Variants in MLLT1 observed in about 807,000 individuals in gnomAD.
MLLT1 encodes MLLT1 super elongation complex subunit.
Under a neutral mutation model 55.1 loss-of-function variants are expected in MLLT1, and 11 were observed. The ratio of observed to expected loss-of-function variants is 0.20; its 90% CI spans 0.13 to 0.33. The LOEUF (loss-of-function observed/expected upper bound fraction) is 0.33, where lower values mean the gene tolerates loss of function less well. MLLT1 is among the 10% of genes least tolerant of loss of function. MLLT1 has a pLI of 1.00. For missense variants in MLLT1, 536 were observed against 760.6 expected (o/e 0.70, Z 3.47); for synonymous variants, 323 against 320.1 (o/e 1.01, Z -0.10).
At chr19:6,236,350 T>G (rs1015568976) in intron 3 of MLLT1, among the ~76,000 whole-genome samples, 1 of 152,060 alleles carries the variant, frequency 6.6e-6, no homozygotes, top group South Asian at 2.1e-4. Context: ...CCGTCACAGA[T>G]GAAGATGCTG....
At chr19:6,216,889 C>A in intron 7 of MLLT1, 1 of 222,402 alleles carries the variant, frequency 4.5e-6, no homozygotes, top group Non-Finnish European at 9.0e-6. Context: ...GGAGCCACAG[C>A]CTGGCTGGGA....
In MLLT1 at chr19:6,227,206, G is replaced by A. The variant is rs1470824661; in HGVS notation, c.421-104C>T. 7.9e-7 allele frequency: 1 copy of A among 1,260,966 alleles called. No individual in the cohort carries two copies. The highest frequency in any genetic ancestry group is 1.5e-5 in the South Asian group (1 of 67,562). The allele number at this position is 1,260,966 out of a possible 1,614,324, so 78.1% of individuals were successfully genotyped here. Reference sequence around the variant, plus strand: ...GCTTCCCTCTGCAGGAGGGGAGAAGGGAGAGCCTGAGCGCTTTCCCGAAAG... The same window carrying A: ...GCTTCCCTCTGCAGGAGGGGAGAAGAGAGAGCCTGAGCGCTTTCCCGAAAG... On this transcript the variant is annotated intron_variant, in intron 4 of 11. Transcript: ENST00000252674. This position sits in a 1 kb window ranked among gnomAD's most constrained non-coding sequence, Gnocchi z 5.1.
In MLLT1 at chr19:6,219,833, C is replaced by T. The variant is rs1313424929; in HGVS notation, c.1111-1792G>A. On this transcript the variant is annotated intron_variant, in intron 6 of 11. Transcript: ENST00000252674. This position sits in a 1 kb window ranked among gnomAD's most constrained non-coding sequence, Gnocchi z 4.5. ...GCCCCGAGAGGCCCCCAAGCCTGTC[C>T]TGGCGCCGTGCCAGACAGAGGAAAG... is the stretch of plus-strand genomic sequence containing the variant. Among the ~76,000 whole-genome samples the T allele has an allele frequency of 6.6e-6, 1 of 152,272 alleles. No homozygotes were observed. The highest frequency in any genetic ancestry group is 1.9e-4 in the East Asian group (1 of 5,206).
rs532682663 is a variant in MLLT1, at chr19:6,218,165, T to TC, written c.1111-125dup. Reference sequence around the variant, plus strand: ...GGGTCTCCCCCAGACACCCCTAGGGTCCCAAGGGTACCCACGTGTGCCGCT... The same window carrying TC: ...GGGTCTCCCCCAGACACCCCTAGGGTCCCCAAGGGTACCCACGTGTGCCGCT... On this transcript the variant is annotated intron_variant, in intron 6 of 11. Transcript: ENST00000252674. The TC allele has an allele frequency of 3.8e-4, 527 of 1,388,496 alleles. 8 individuals are homozygous for TC. In the South Asian group the frequency reaches 5.9e-3, roughly 15 times the overall value. 86.0% of individuals were successfully genotyped at this position (1,388,496 alleles called of 1,614,324 possible).
At chr19:6,244,902 A>C (rs2091152377) in intron 3 of MLLT1, among the ~76,000 whole-genome samples, 1 of 152,204 alleles carries the variant, frequency 6.6e-6, no homozygotes, top group African/African-American at 2.4e-5. Context: ...CTTCACACCC[A>C]CTAGGACAGA....
intron 5 of MLLT1, among the ~76,000 whole-genome samples, chr19:6,224,854 C>G (rs1224819058): frequency 6.6e-6 from 1 of 152,152 alleles, no homozygotes; most frequent in Non-Finnish European, 1.5e-5. Context: ...CTCAGCCTCC[C>G]GAGTAGCTGG....
intron 3 of MLLT1, among the ~76,000 whole-genome samples, chr19:6,243,001 G>A (rs1325287637): frequency 6.6e-6 from 1 of 152,216 alleles, no homozygotes; most frequent in African/African-American, 2.4e-5. Flanking sequence ...ACAAAGGTGA[G>A]AGCTAAAAGG....
At chr19:6,250,882 A>G (rs1190527162) in intron 3 of MLLT1, among the ~76,000 whole-genome samples, 1 of 152,258 alleles carries the variant, frequency 6.6e-6, no homozygotes, top group Non-Finnish European at 1.5e-5. Flanking sequence ...AGTGTGGGAC[A>G]GCCATACAGC....
rs1456940605 is a variant in MLLT1 at position 6,279,912 on chromosome 19, T to C, written c.-128A>G. On this transcript the variant is annotated 5_prime_UTR_variant, in exon 1 of 12. Transcript: ENST00000252674. ...CCGCCGCCGCCGCCGCCGCCGCCGATCCCGGCCGCCCGCTCGCCCGCCAGC... is the reference window on the plus strand; with the variant it reads ...CCGCCGCCGCCGCCGCCGCCGCCGACCCCGGCCGCCCGCTCGCCCGCCAGC... 6.8e-5 allele frequency: 11 copies of C among 162,250 alleles called. No individual in the cohort carries two copies. Among genetic ancestry groups the C allele is most frequent in the African/African-American group, 2.2e-4 (9 of 40,162 alleles). 10.1% of individuals were successfully genotyped at this position (162,250 alleles called of 1,614,324 possible).
chr19:6,276,590 C>T (rs1003718375), intron 1 of MLLT1, among the ~76,000 whole-genome samples: 5 of 152,292 alleles, frequency 3.3e-5, no homozygotes, highest in South Asian at 2.1e-4. Flanking sequence ...GTCCCCGTGA[C>T]CTGCTCTCAG....
chr19:6,237,284 C>T (rs1044241223), intron 3 of MLLT1, among the ~76,000 whole-genome samples: 1 of 152,200 alleles, frequency 6.6e-6, no homozygotes. Flanking sequence ...ACCTGGAGGA[C>T]ACCCAGCCTT....
At chr19:6,263,792 G>C (rs1010640368) in intron 2 of MLLT1, among the ~76,000 whole-genome samples, 35 of 152,336 alleles carry the variant, frequency 2.3e-4, no homozygotes, top group Non-Finnish European at 4.6e-4. Context: ...GCAAGGGGCA[G>C]GACAAGGAGG....
chr19:6,271,250 C>T (rs1327227652), intron 1 of MLLT1, among the ~76,000 whole-genome samples: 3 of 152,224 alleles, frequency 2.0e-5, no homozygotes, highest in Non-Finnish European at 4.4e-5. Context: ...TATCAAAAGT[C>T]ATCTTGCTGA....
chr19:6,276,189 A>T (rs1314369784), intron 1 of MLLT1, among the ~76,000 whole-genome samples: 1 of 152,172 alleles, frequency 6.6e-6, no homozygotes, highest in African/African-American at 2.4e-5. Flanking sequence ...GGACAAAAAA[A>T]CTGGCAGGTC....
chr19:6,262,456 C>A lies in MLLT1; in HGVS notation c.194-146G>T. ...GGGGGTGGCTTTTCAGGAGGTTAAG[C>A]CCCCGACAGGATTGACTTCCACGGC... On this transcript the variant is annotated intron_variant, in intron 2 of 11. Transcript: ENST00000252674. This position sits in a 1 kb window ranked among gnomAD's most constrained non-coding sequence, Gnocchi z 4.4. The A allele has an allele frequency of 1.6e-6, 1 of 618,390 alleles. No individual in the cohort carries two copies. Among genetic ancestry groups the A allele is most frequent in the South Asian group, 1.9e-5 (1 of 51,684 alleles). 38.3% of individuals were successfully genotyped at this position (618,390 alleles called of 1,614,324 possible).
At position 6,253,264 on chromosome 19, in the gene MLLT1, C is replaced by CAAAAAA. The variant is rs71172800; in HGVS notation, c.276+8958_276+8963dup. Among the ~76,000 whole-genome samples the CAAAAAA allele has an allele frequency of 2.7e-3, 66 of 24,578 alleles. 5 individuals carry two copies. Among genetic ancestry groups the CAAAAAA allele is most frequent in the Middle Eastern group, 0.036 (1 of 28 alleles). 16.1% of individuals were successfully genotyped at this position (24,578 alleles called of 152,430 possible). ...TGGGCGACAGAGCGAGACCCCATCT[C>CAAAAAA]AAAAAAAAAAAAAAAAAAAAAAAAA... On this transcript the variant is annotated intron_variant, in intron 3 of 11. Transcript: ENST00000252674.
intron 3 of MLLT1, among the ~76,000 whole-genome samples, chr19:6,239,609 G>A (rs2091096619): frequency 6.6e-6 from 1 of 151,880 alleles, no homozygotes; most frequent in African/African-American, 2.4e-5. Context: ...ACATGCACAT[G>A]CACACACCCA....
At chr19:6,272,481 C>T (rs989993533) in intron 1 of MLLT1, among the ~76,000 whole-genome samples, 1 of 152,234 alleles carries the variant, frequency 6.6e-6, no homozygotes, top group Non-Finnish European at 1.5e-5. Flanking sequence ...CTGGCTCACA[C>T]GCTGCCCTGT....
Position 6,279,967 on chromosome 19 carries a change from G to A in MLLT1, c.-183C>T, listed in dbSNP as rs538098623. ...CGGAACCGGAAACCACCGCCAGCCCGGGTCGCGCACCGATCACGGGCCCCC... is the reference window on the plus strand; with the variant it reads ...CGGAACCGGAAACCACCGCCAGCCCAGGTCGCGCACCGATCACGGGCCCCC... On this transcript the variant is annotated 5_prime_UTR_variant, in exon 1 of 12. Transcript: ENST00000252674. The A allele has an allele frequency of 6.6e-3, 1,053 of 160,368 alleles. 11 individuals are homozygous for A. Among genetic ancestry groups the A allele is most frequent in the African/African-American group, 0.023 (956 of 41,380 alleles). The allele number at this position is 160,368 out of a possible 1,614,324, so 9.9% of individuals were successfully genotyped here. A position where few individuals can be genotyped will look rare whatever the true frequency, so the allele number is the denominator to read the frequency against.
Sources: gnomAD v4.1 joint callset for allele counts (sites outside exome capture counted in the v4.1 genomes callset) on GRCh38, gnomAD v4.1.1 for gene constraint, Gnocchi (gnomAD v3.1) non-coding constraint, MANE v1.5 for transcripts, NCBI Gene and HGNC (gene_info 2026-07-23, HGNC 2026-07-21) for gene names.